The following GRAMD1B variants were observed in gnomAD, a reference collection of about 807,000 sequenced individuals.
GRAMD1B encodes GRAM domain containing 1B, also known as protein Aster-B.
In GRAMD1B, 37 loss-of-function variants were observed where a neutral mutation model predicts 99.7. That is an observed-to-expected ratio of 0.37 (90% CI 0.29 to 0.49). The LOEUF (loss-of-function observed/expected upper bound fraction) is 0.49. GRAMD1B is among the 20% of genes least tolerant of loss of function. The pLI is 0.98. For synonymous variants in GRAMD1B, 427 were observed against 387.6 expected, an observed-to-expected ratio of 1.10 and a Z score of -1.19; for missense variants, 888 against 1,009.2, an observed-to-expected ratio of 0.88 and a Z score of 1.63.
chr11:123,613,147 G>T (rs1230107766), intron 15 of GRAMD1B: 2 of 552,670 alleles, frequency 3.6e-6, no homozygotes, highest in Non-Finnish European at 6.4e-6. Flanking sequence ...GATATAGGTG[G>T]CTCTGTGACG....
chr11:123,548,587 G>GATGCTTGAAAATTAATTGA (rs1945310004), intron 2 of GRAMD1B, among the ~76,000 whole-genome samples: 1 of 151,730 alleles, frequency 6.6e-6, no homozygotes, highest in Non-Finnish European at 1.5e-5. Context: ...AGCTGGATTC[G>GATGCTTGAAAATTAATTGA]ATGCTTGAAA....
At chr11:123,568,727 C>A (rs965106949) in intron 2 of GRAMD1B, among the ~76,000 whole-genome samples, 1 of 152,078 alleles carries the variant, frequency 6.6e-6, no homozygotes, top group Non-Finnish European at 1.5e-5. Context: ...TGAGACTCTG[C>A]TTTAGTGTAA....
intron 1 of GRAMD1B, among the ~76,000 whole-genome samples, chr11:123,457,807 C>G (rs1170589243): frequency 6.6e-6 from 1 of 152,202 alleles, no homozygotes; most frequent in East Asian, 1.9e-4. Context: ...CCACGACCTC[C>G]TGGGCTCAAG....
At chr11:123,572,640 T>C (rs539592881) in intron 2 of GRAMD1B, among the ~76,000 whole-genome samples, 156 of 152,230 alleles carry the variant, frequency 1.0e-3, no homozygotes, top group African/African-American at 3.6e-3. Flanking sequence ...GTGGGCTTAG[T>C]CTGGAAGTGT....
At position 123,609,877 on chromosome 11, in the gene GRAMD1B, T is replaced by G. The variant is rs369275661; in HGVS notation, c.1740T>G (p.Pro580=). ...TTTACACCATCACCCTTACCAACCC[T>G]CTGGCTCCCAAAACTGCCACTGTCA... The part of the protein sequence containing the change: ...VILYTITLTN[P]LAPKTATVRE... The change falls in exon 13 of 20, where the codon CCT becomes CCG. Residue 580 remains proline (P), a synonymous_variant. Transcript: ENST00000635736. 1.8e-5 allele frequency: 29 copies of G among 1,598,444 alleles called. No homozygotes were observed. The highest frequency in any genetic ancestry group is 2.4e-5 in the Non-Finnish European group (28 of 1,172,040).
intron 2 of GRAMD1B, among the ~76,000 whole-genome samples, chr11:123,514,679 T>C (rs1050556397): frequency 3.3e-5 from 5 of 152,166 alleles, no homozygotes; most frequent in African/African-American, 1.2e-4. Context: ...TGAAGCGCTG[T>C]GAAAGCCCGT....
chr11:123,586,917 C>T (rs957739046), intron 4 of GRAMD1B, among the ~76,000 whole-genome samples: 3 of 152,202 alleles, frequency 2.0e-5, no homozygotes, highest in Non-Finnish European at 1.5e-5. Context: ...AGACGTCCTT[C>T]AGATAGGTAA....
At chr11:123,469,739 C>CTCTT (rs61621168) in intron 1 of GRAMD1B, among the ~76,000 whole-genome samples, 5 of 141,054 alleles carry the variant, frequency 3.5e-5, no homozygotes, top group African/African-American at 8.1e-5. Context: ...TTCTTTCTTT[C>CTCTT]TCTTTCTTTC....
chr11:123,376,967 CTT>C (rs1280506848), intron 1 of GRAMD1B, among the ~76,000 whole-genome samples: 3 of 152,216 alleles, frequency 2.0e-5, no homozygotes, highest in Non-Finnish European at 2.9e-5. Context: ...TTCTGCCAAT[CTT>C]AAACCCATAA....
chr11:123,601,515 A>ATGTGTGTGTGTGTGTGTGTGTG (rs4063751), intron 8 of GRAMD1B, among the ~76,000 whole-genome samples: 1 of 148,806 alleles, frequency 6.7e-6, no homozygotes, highest in African/African-American at 2.5e-5. Flanking sequence ...ATTAATTTTT[A>ATGTGTGTGTGTGTGTGTGTGTG]TGTGTGTGTG....
At chr11:123,542,172 A>G (rs1467462190) in intron 2 of GRAMD1B, among the ~76,000 whole-genome samples, 1 of 152,242 alleles carries the variant, frequency 6.6e-6, no homozygotes, top group Non-Finnish European at 1.5e-5. Flanking sequence ...AGAGCAATCT[A>G]TAGTGCACCG....
chr11:123,617,542 C>T (rs888102270), intron 17 of GRAMD1B, among the ~76,000 whole-genome samples: 1 of 152,088 alleles, frequency 6.6e-6, no homozygotes, highest in Non-Finnish European at 1.5e-5. Flanking sequence ...ACCTCTCCCC[C>T]ATTAATTATA....
At chr11:123,513,580 T>TCCTC (rs1941306978) in intron 2 of GRAMD1B, among the ~76,000 whole-genome samples, 2 of 65,586 alleles carry the variant, frequency 3.0e-5, no homozygotes, top group Admixed American at 3.3e-4. Flanking sequence ...TTCCTTCCTT[T>TCCTC]CCTTCCTTCC....
chr11:123,478,302 C>T (rs1392239451), intron 1 of GRAMD1B, among the ~76,000 whole-genome samples: 1 of 152,224 alleles, frequency 6.6e-6, no homozygotes, highest in African/African-American at 2.4e-5. Context: ...ATGAGCCAAC[C>T]CGCCTGGTTC....
At chr11:123,448,595 T>C (rs1357469866) in intron 1 of GRAMD1B, among the ~76,000 whole-genome samples, 2 of 152,246 alleles carry the variant, frequency 1.3e-5, no homozygotes, top group Admixed American at 1.3e-4. Context: ...TATTCCTGTC[T>C]GAGACCTCAT....
intron 1 of GRAMD1B, among the ~76,000 whole-genome samples, chr11:123,468,596 C>G (rs1301293913): frequency 1.3e-5 from 2 of 151,906 alleles, no homozygotes; most frequent in Non-Finnish European, 2.9e-5. Context: ...GAGTTCAAGA[C>G]CAGCCTGGGC....
chr11:123,542,761 T>G (rs924717156), intron 2 of GRAMD1B, among the ~76,000 whole-genome samples: 1 of 149,202 alleles, frequency 6.7e-6, no homozygotes, highest in Non-Finnish European at 1.5e-5. Context: ...CAAGCAATTC[T>G]TCTGCTTCAG....
intron 2 of GRAMD1B, chr11:123,525,840 C>T (rs1942662834): frequency 2.2e-6 from 1 of 457,268 alleles, no homozygotes; most frequent in African/African-American, 2.0e-5. Context: ...CCAGCATTAC[C>T]CATCCTCATC....
Position 123,608,811 on chromosome 11 carries a change from T to C in GRAMD1B, c.1657+9T>C, listed in dbSNP as rs1953108188. The C allele has an allele frequency of 6.6e-7, 1 of 1,514,800 alleles. No homozygotes were observed. Among genetic ancestry groups the C allele is most frequent in the South Asian group, 1.2e-5 (1 of 81,922 alleles). The allele number at this position is 1,514,800 out of a possible 1,614,324, so 93.8% of individuals were successfully genotyped here. On this transcript the variant is annotated intron_variant, in intron 12 of 19. Transcript: ENST00000635736. ...GCAGCGGCGCTTCTCTGGTCCGTTC[T>C]GCTGGGACTGTACCCCCCATTCCTC...
Sources: allele counts gnomAD v4.1 joint callset (sites outside exome capture counted in the v4.1 genomes callset), GRCh38; gene constraint gnomAD v4.1.1; transcripts MANE v1.5; gene names NCBI Gene and HGNC (gene_info 2026-07-23, HGNC 2026-07-21).